Variants in EIF4EBP1 observed in about 807,000 individuals in gnomAD.
EIF4EBP1 encodes the protein eukaryotic translation initiation factor 4E binding protein 1.
A neutral mutation model predicts 9.2 loss-of-function variants in EIF4EBP1; 5 were observed. That is an observed-to-expected ratio of 0.54 (90% CI 0.28 to 1.14). The LOEUF (loss-of-function observed/expected upper bound fraction) is 1.14. Among genes scored for constraint, EIF4EBP1 ranks in the 50% most tolerant of loss-of-function variants. EIF4EBP1 has a pLI of 0.09. For synonymous variants in EIF4EBP1, 62 were observed against 67.0 expected (o/e 0.93, Z 0.36); for missense variants, 139 against 169.6 (o/e 0.82, Z 1.00).
intron 1 of EIF4EBP1, among the ~76,000 whole-genome samples, chr8:38,045,668 G>A (rs1373289211): frequency 6.6e-6 from 1 of 151,878 alleles, no homozygotes; most frequent in Non-Finnish European, 1.5e-5. Context: ...TCACACTATT[G>A]TTCTCCAGCC....
chr8:38,035,623 G>A (rs967063110), intron 1 of EIF4EBP1, among the ~76,000 whole-genome samples: 1 of 151,884 alleles, frequency 6.6e-6, no homozygotes, highest in African/African-American at 2.4e-5. Context: ...CCACCTGCCA[G>A]GTTCAGGCTG....
intron 1 of EIF4EBP1, among the ~76,000 whole-genome samples, chr8:38,035,863 A>G (rs974445667): frequency 1.4e-5 from 2 of 147,490 alleles, no homozygotes; most frequent in Admixed American, 1.4e-4. Context: ...GCGCGCTACC[A>G]CGCCTGGCTA....
chr8:38,052,851 C>A (rs1473968664), intron 1 of EIF4EBP1, among the ~76,000 whole-genome samples: 1 of 152,130 alleles, frequency 6.6e-6, no homozygotes, highest in East Asian at 1.9e-4. Flanking sequence ...CCTCACCCAG[C>A]CTTCGGCTGA....
chr8:38,041,704 C>T (rs1369485323), intron 1 of EIF4EBP1, among the ~76,000 whole-genome samples: 1 of 152,230 alleles, frequency 6.6e-6, no homozygotes, highest in Non-Finnish European at 1.5e-5. Flanking sequence ...AAGCAAACCA[C>T]ACAAGGTCGG....
At chr8:38,032,343 T>C (rs1343938779) in intron 1 of EIF4EBP1, among the ~76,000 whole-genome samples, 1 of 151,828 alleles carries the variant, frequency 6.6e-6, no homozygotes, top group Non-Finnish European at 1.5e-5. Flanking sequence ...TGAGACTCCA[T>C]CTCTACAAAG....
chr8:38,042,745 A>C (rs1205133931), intron 1 of EIF4EBP1, among the ~76,000 whole-genome samples: 1 of 152,178 alleles, frequency 6.6e-6, no homozygotes, highest in South Asian at 2.1e-4. Context: ...ATTCCGAGGT[A>C]CTGGGGTTGG....
chr8:38,060,243 G>T lies in EIF4EBP1; in HGVS notation c.*308G>T. Reference sequence around the variant, plus strand: ...AACCCTTCCTTCCGAATGATCAGCAGTTCCAGCCCCTCGCTGCTGGGGGCG... The same window carrying T: ...AACCCTTCCTTCCGAATGATCAGCATTTCCAGCCCCTCGCTGCTGGGGGCG... On this transcript the variant is annotated 3_prime_UTR_variant, in exon 3 of 3. Transcript: ENST00000338825. 1 of 237,584 alleles carries T rather than the reference G, an allele frequency of 4.2e-6. No individual in the cohort carries two copies. The highest frequency in any genetic ancestry group is 7.4e-6 in the Non-Finnish European group (1 of 135,258). 14.7% of individuals were successfully genotyped at this position (237,584 alleles called of 1,614,324 possible). A position where few individuals can be genotyped will look rare whatever the true frequency, so the allele number is the denominator to read the frequency against.
At chr8:38,057,974 T>G (rs1291289374) in intron 2 of EIF4EBP1, among the ~76,000 whole-genome samples, 2 of 152,140 alleles carry the variant, frequency 1.3e-5, no homozygotes, top group South Asian at 4.1e-4. Flanking sequence ...ATAATCAGAT[T>G]GGAACCCGCC....
intron 1 of EIF4EBP1, among the ~76,000 whole-genome samples, chr8:38,043,163 G>C (rs918128583): frequency 6.6e-6 from 1 of 152,088 alleles, no homozygotes; most frequent in Admixed American, 6.6e-5. Flanking sequence ...AATCACTACT[G>C]TTTGTAATGG....
rs938858992 is a variant in EIF4EBP1, at chr8:38,053,009, A to G, written c.146-4072A>G. Among the ~76,000 whole-genome samples, 46 of 152,178 alleles carry G rather than the reference A, an allele frequency of 3.0e-4. 2 individuals are homozygous for G. The highest frequency in any genetic ancestry group is 1.1e-3 in the African/African-American group (46 of 41,460). On this transcript the variant is annotated intron_variant, in intron 1 of 2. Transcript: ENST00000338825. ...GAGGCTTTTTCTTTCACTTTTAAGT[A>G]TAATTAATGATTTAATTTTTTTTGA... is the stretch of plus-strand genomic sequence containing the variant.
chr8:38,037,425 T>C (rs1809319377), intron 1 of EIF4EBP1, among the ~76,000 whole-genome samples: 1 of 152,122 alleles, frequency 6.6e-6, no homozygotes, highest in South Asian at 2.1e-4. Flanking sequence ...CAAGTGACTC[T>C]CCTGCCTCGC....
intron 1 of EIF4EBP1, among the ~76,000 whole-genome samples, chr8:38,049,418 T>G (rs868377251): frequency 1.4e-4 from 21 of 152,060 alleles, no homozygotes; most frequent in African/African-American, 4.6e-4. Flanking sequence ...ATTGCACTAC[T>G]TACTGAAAGG....
At chr8:38,041,133 G>A (rs1809373314) in intron 1 of EIF4EBP1, among the ~76,000 whole-genome samples, 1 of 151,860 alleles carries the variant, frequency 6.6e-6, no homozygotes, top group African/African-American at 2.4e-5. Context: ...ACAGAATCTG[G>A]CTCTGTCGCC....
intron 1 of EIF4EBP1, among the ~76,000 whole-genome samples, chr8:38,054,667 G>C (rs1036672093): frequency 6.6e-6 from 1 of 152,132 alleles, no homozygotes; most frequent in Non-Finnish European, 1.5e-5. Flanking sequence ...CCCAAGCCTT[G>C]CAGAGTGGAG....
intron 1 of EIF4EBP1, among the ~76,000 whole-genome samples, chr8:38,052,037 C>A (rs1809531399): frequency 6.6e-6 from 1 of 152,218 alleles, no homozygotes; most frequent in Admixed American, 6.5e-5. Flanking sequence ...GTAGCCCCCA[C>A]CTTTGGCTAA....
chr8:38,045,445 T>C (rs1029863195), intron 1 of EIF4EBP1, among the ~76,000 whole-genome samples: 11 of 152,178 alleles, frequency 7.2e-5, no homozygotes, highest in African/African-American at 2.4e-4. Context: ...GCTTTATTTA[T>C]TGTAATCCCA....
chr8:38,030,649 G>A lies in EIF4EBP1; in HGVS notation c.76G>A (p.Gly26Ser), dbSNP rs968128057. ...PATRRVVLGD[G>S]VQLPPGDYST... ...CACTCGCCGGGTGGTGCTCGGCGAC[G>A]GCGTGCAGCTCCCGCCCGGGGACTA... Residue 26 changes from glycine (G) to serine (S), a missense_variant, in exon 1 of 3, where the codon GGC becomes AGC. Physicochemically the swap from Gly to Ser is moderately conservative, Grantham distance 56. Coordinates refer to ENST00000338825, the MANE Select transcript of EIF4EBP1 (RefSeq NM_004095.4). 1 of 1,509,178 alleles carries A rather than the reference G, an allele frequency of 6.6e-7. No homozygotes were observed. The highest frequency in any genetic ancestry group is 2.1e-5 in the Admixed American group (1 of 48,422). 93.5% of individuals were successfully genotyped at this position (1,509,178 alleles called of 1,614,324 possible). A position where few individuals can be genotyped will look rare whatever the true frequency, so the allele number is the denominator to read the frequency against.
intron 1 of EIF4EBP1, among the ~76,000 whole-genome samples, chr8:38,052,305 G>C (rs1809536779): frequency 6.6e-6 from 1 of 151,330 alleles, no homozygotes; most frequent in African/African-American, 2.4e-5. Context: ...CTGTCTCCCA[G>C]ACTGGAGTCC....
chr8:38,041,093 C>A (rs931279682), intron 1 of EIF4EBP1, among the ~76,000 whole-genome samples: 4 of 152,268 alleles, frequency 2.6e-5, no homozygotes, highest in Non-Finnish European at 2.9e-5. Flanking sequence ...AGCCATCGCG[C>A]CTGGCCTTTT....
Sources: allele counts gnomAD v4.1 joint callset (sites outside exome capture counted in the v4.1 genomes callset), GRCh38; gene constraint gnomAD v4.1.1; transcripts MANE v1.5; gene names NCBI Gene and HGNC (gene_info 2026-07-23, HGNC 2026-07-21).